Variants in SCAMP1 observed in about 807,000 individuals in gnomAD.
SCAMP1 encodes secretory carrier membrane protein 1.
In SCAMP1, 15 loss-of-function variants were observed where a neutral mutation model predicts 41.8. The ratio of observed to expected loss-of-function variants is 0.36; its 90% CI spans 0.24 to 0.55. The LOEUF is 0.55. Ranked by LOEUF, SCAMP1 falls within the 20% of genes least tolerant of loss-of-function variation. The pLI is 0.86. For missense variants in SCAMP1, 341 were observed against 412.6 expected, an observed-to-expected ratio of 0.83 and a Z score of 1.50; for synonymous variants, 135 against 136.8, an observed-to-expected ratio of 0.99 and a Z score of 0.09.
At chr5:78,413,165 G>A (rs1451423080) in intron 2 of SCAMP1, among the ~76,000 whole-genome samples, 2 of 151,882 alleles carry the variant, frequency 1.3e-5, no homozygotes, top group Admixed American at 6.6e-5. Context: ...TCCTATATGA[G>A]TAACCAGTTA....
At chr5:78,412,356 C>A (rs533303901) in intron 2 of SCAMP1, among the ~76,000 whole-genome samples, 1 of 151,290 alleles carries the variant, frequency 6.6e-6, no homozygotes, top group African/African-American at 2.4e-5. Context: ...ATTTTAGTGT[C>A]TTTATAGTTG....
At chr5:78,473,978 G>A (rs1056833703) in intron 8 of SCAMP1, among the ~76,000 whole-genome samples, 1 of 151,974 alleles carries the variant, frequency 6.6e-6, no homozygotes, top group Admixed American at 6.6e-5. Context: ...CAGTATCTCA[G>A]GGGGGCCAAC....
At chr5:78,457,395 C>G (rs1753441052) in intron 7 of SCAMP1, among the ~76,000 whole-genome samples, 1 of 151,882 alleles carries the variant, frequency 6.6e-6, no homozygotes, top group African/African-American at 2.4e-5. Flanking sequence ...GTTAGTTTTC[C>G]TTCTAACAGA....
intron 6 of SCAMP1, among the ~76,000 whole-genome samples, chr5:78,428,866 A>T (rs1752530126): frequency 6.6e-6 from 1 of 151,924 alleles, no homozygotes; most frequent in South Asian, 2.1e-4. Flanking sequence ...TATCCTTTTT[A>T]TGTTATTTTA....
chr5:78,407,420 T>G (rs1751959789), intron 2 of SCAMP1, among the ~76,000 whole-genome samples: 1 of 152,212 alleles, frequency 6.6e-6, no homozygotes, highest in Non-Finnish European at 1.5e-5. Flanking sequence ...CTTAGGATCT[T>G]AGGTGAAAGG....
intron 1 of SCAMP1, among the ~76,000 whole-genome samples, chr5:78,369,167 C>T (rs975817637): frequency 1.3e-4 from 19 of 150,748 alleles, no homozygotes; most frequent in African/African-American, 4.6e-4. Context: ...AGTGCAGTGG[C>T]GTGATCTCGG....
At chr5:78,453,213 G>T (rs932620478) in intron 7 of SCAMP1, among the ~76,000 whole-genome samples, 1 of 151,242 alleles carries the variant, frequency 6.6e-6, no homozygotes, top group African/African-American at 2.4e-5. Flanking sequence ...GTCAATTTTG[G>T]CTTTTGTTGC....
At chr5:78,371,514 G>A (rs957315492) in intron 1 of SCAMP1, among the ~76,000 whole-genome samples, 1 of 152,068 alleles carries the variant, frequency 6.6e-6, no homozygotes, top group Non-Finnish European at 1.5e-5. Context: ...ATCTGAAAAA[G>A]CCCTCATATT....
Position 78,475,649 on chromosome 5 carries a change from T to C in SCAMP1, c.998T>C (p.Phe333Ser). ...GCATCTAGTGCAGCTCAGAATGCTT[T>C]CAAGGGTAACCAGATTTAAGAATCT... ...TAASSAAQNA[F>S]KGNQI Residue 333 changes from phenylalanine (F) to serine (S), a missense_variant, in exon 9 of 9, where the codon TTC becomes TCC. Coordinates refer to ENST00000621999, the MANE Select transcript of SCAMP1 (RefSeq NM_004866.6). The C allele has an allele frequency of 6.4e-7, 1 of 1,569,930 alleles. No homozygotes were observed. The highest frequency in any genetic ancestry group is 8.6e-7 in the Non-Finnish European group (1 of 1,159,860).
chr5:78,410,226 A>G (rs538441736), intron 2 of SCAMP1, among the ~76,000 whole-genome samples: 10 of 151,710 alleles, frequency 6.6e-5, no homozygotes, highest in Non-Finnish European at 1.5e-4. Flanking sequence ...AGATCAACCC[A>G]TCACCTAAGT....
At chr5:78,446,345 T>A (rs1445267324) in intron 6 of SCAMP1, among the ~76,000 whole-genome samples, 1 of 152,210 alleles carries the variant, frequency 6.6e-6, no homozygotes, top group East Asian at 1.9e-4. Context: ...GCTTCTAGAA[T>A]GTGTCTAAGA....
intron 7 of SCAMP1, among the ~76,000 whole-genome samples, chr5:78,458,118 G>C (rs1753479665): frequency 6.6e-6 from 1 of 152,132 alleles, no homozygotes; most frequent in Non-Finnish European, 1.5e-5. Context: ...TGGTACCTCA[G>C]ATGGAAATGC....
intron 1 of SCAMP1, 107 bp downstream of exon 1, chr5:78,360,835 G>A: frequency 1.8e-6 from 2 of 1,127,074 alleles, no homozygotes; most frequent in Non-Finnish European, 2.5e-6. Flanking sequence ...CCCCTTAGCA[G>A]CCCAGAGAGG....
At chr5:78,451,316 G>A (rs1409339632) in intron 7 of SCAMP1, among the ~76,000 whole-genome samples, 2 of 152,026 alleles carry the variant, frequency 1.3e-5, no homozygotes, top group African/African-American at 4.8e-5. Flanking sequence ...GAAATCTCAG[G>A]TACCCTTTAT....
chr5:78,456,720 G>C (rs1753414969), intron 7 of SCAMP1, among the ~76,000 whole-genome samples: 1 of 150,634 alleles, frequency 6.6e-6, no homozygotes, highest in African/African-American at 2.5e-5. Flanking sequence ...TCCTGAATCT[G>C]AGCGTTGGCC....
At chr5:78,450,155 G>A (rs1580705354) in intron 7 of SCAMP1, 121 bp downstream of exon 7, 5 of 597,256 alleles carry the variant, frequency 8.4e-6, no homozygotes, top group Non-Finnish European at 1.4e-5. Flanking sequence ...AGCAAAAATT[G>A]TTTTAAAAAT....
At chr5:78,367,116 T>C (rs1048533300) in intron 1 of SCAMP1, among the ~76,000 whole-genome samples, 5 of 152,212 alleles carry the variant, frequency 3.3e-5, no homozygotes, top group Non-Finnish European at 5.9e-5. Flanking sequence ...TCATGTCAAC[T>C]GCATGAATTC....
chr5:78,401,270 G>T (rs7719436), intron 2 of SCAMP1, among the ~76,000 whole-genome samples: 41,400 of 151,956 alleles, frequency 0.27, 5,941 homozygotes, highest in East Asian at 0.54. Flanking sequence ...TTGCATCCAT[G>T]TTCATCAGAG....
intron 2 of SCAMP1, among the ~76,000 whole-genome samples, 166 bp downstream of exon 2, chr5:78,389,080 G>A (rs541337295): frequency 1.3e-5 from 2 of 152,202 alleles, no homozygotes; most frequent in East Asian, 1.9e-4. Context: ...AGAAATATTA[G>A]TAGTAATTGA....
Sources: allele counts gnomAD v4.1 joint callset (sites outside exome capture counted in the v4.1 genomes callset), GRCh38; gene constraint gnomAD v4.1.1; transcripts MANE v1.5; gene names NCBI Gene and HGNC (gene_info 2026-07-23, HGNC 2026-07-21).